DMXL1: variants seen among roughly 807,000 people sequenced by gnomAD.
The protein encoded by DMXL1 is dmX-like protein 1.
DMXL1 carries 99 observed loss-of-function variants against 319.2 expected under a neutral mutation model. That is an observed-to-expected ratio of 0.31 (90% CI 0.26 to 0.37). The LOEUF is 0.37. Among genes scored for constraint, DMXL1 ranks in the 10% least tolerant of loss-of-function variants. DMXL1 has a pLI of 1.00. For synonymous variants in DMXL1, 1,385 were observed against 1,235.2 expected, an observed-to-expected ratio of 1.12 and a Z score of -2.54; for missense variants, 3,745 against 3,595.6, an observed-to-expected ratio of 1.04 and a Z score of -1.06.
In DMXL1 at chr5:119,220,477, T is replaced by C. The variant is rs201102615; in HGVS notation, c.8019T>C (p.Asn2673=). Residue 2673 remains asparagine, a synonymous_variant, in exon 36 of 44, where the codon AAT becomes AAC. Coordinates refer to ENST00000539542, the MANE Select transcript of DMXL1 (RefSeq NM_001290321.3). ...CCATTTGACTTATTTTTCAGGCAAA[T>C]AGAAACTGCATAGCAATCGCTTCCA... is the stretch of plus-strand genomic sequence containing the variant. The part of the protein sequence containing the change: ...IITAFAVNKA[N]RNCIAIASSH... The C allele has an allele frequency of 1.4e-4, 231 of 1,613,052 alleles. No homozygotes were observed. In the Middle Eastern group the frequency reaches 2.0e-3, roughly 14 times the overall value.
chr5:119,112,861 G>C (rs185744916), intron 5 of DMXL1, among the ~76,000 whole-genome samples: 8 of 152,166 alleles, frequency 5.3e-5, no homozygotes, highest in African/African-American at 1.9e-4. Flanking sequence ...GGAGGCTGAG[G>C]CATGAGAATA....
In DMXL1 at chr5:119,237,422, A is replaced by G; in HGVS notation, c.8559+8A>G. On this transcript the variant is annotated splice_region_variant and intron_variant, in intron 40 of 43. Transcript: ENST00000539542. The stretch of plus-strand genomic sequence containing the variant: ...ATGCCTAAGCCATACCTGGTAAGCC[A>G]AGAATTTCTACCTTTAAATAAAATT... 1 of 1,549,868 alleles carries G rather than the reference A, an allele frequency of 6.5e-7. No homozygotes were observed. The highest frequency in any genetic ancestry group is 8.9e-7 in the Non-Finnish European group (1 of 1,129,748).
At chr5:119,086,490 A>T (rs1471263645) in intron 1 of DMXL1, among the ~76,000 whole-genome samples, 1 of 152,128 alleles carries the variant, frequency 6.6e-6, no homozygotes, top group African/African-American at 2.4e-5. Flanking sequence ...CATGTGTGAT[A>T]TGGGCTTGTA....
chr5:119,240,994 G>T (rs1184164280), intron 42 of DMXL1, among the ~76,000 whole-genome samples: 2 of 152,092 alleles, frequency 1.3e-5, no homozygotes, highest in African/African-American at 2.4e-5. Flanking sequence ...ACAACATAAG[G>T]ATTGGGATGC....
chr5:119,129,462 C>A, intron 10 of DMXL1, 39 bp downstream of exon 10: 3 of 1,428,572 alleles, frequency 2.1e-6, no homozygotes, highest in South Asian at 1.3e-5. Flanking sequence ...AAGTTTTGCT[C>A]AAAATAGCAA....
intron 10 of DMXL1, chr5:119,132,668 C>G (rs1367218408): frequency 2.4e-6 from 1 of 419,726 alleles, no homozygotes; most frequent in Non-Finnish European, 4.7e-6. Context: ...GAGTAAGACT[C>G]CGTCTCAAAA....
intron 15 of DMXL1, among the ~76,000 whole-genome samples, 177 bp downstream of exon 15, chr5:119,144,815 A>G (rs572101369): frequency 6.6e-6 from 1 of 151,930 alleles, no homozygotes; most frequent in Admixed American, 6.6e-5. Flanking sequence ...CAGGTAATAA[A>G]TACGAACAAA....
At chr5:119,170,058 T>C (rs1372077278) in intron 23 of DMXL1, 132 bp from the exon 24 acceptor site, 48 of 770,352 alleles carry the variant, frequency 6.2e-5, no homozygotes, top group Non-Finnish European at 4.4e-5. Context: ...CCATGGATCA[T>C]TGTGGCCTAT....
intron 19 of DMXL1, among the ~76,000 whole-genome samples, chr5:119,160,862 A>G: frequency 1.3e-5 from 2 of 152,224 alleles, no homozygotes; most frequent in South Asian, 4.1e-4. Context: ...TTTGAGTAGG[A>G]TTTATTTAAA....
chr5:119,171,254 A>T lies in DMXL1; in HGVS notation c.6463A>T (p.Ile2155Phe), dbSNP rs748841932. ...GGLASVRMEL[I>F]LLLQESQQET... The stretch of plus-strand genomic sequence containing the variant: ...TCTTGCATCTGTAAGAATGGAATTG[A>T]TTTTGCTTTTGCAAGAATCTCAGCA... The change falls in exon 24 of 44, where the codon ATT becomes TTT. Residue 2155 changes from isoleucine to phenylalanine, a missense_variant. Ile to Phe is a conservative substitution (Grantham distance 21). Around this residue, in one of 4 missense-constraint regions of DMXL1, gnomAD observed 1,382 missense variants for 1,269.5 expected, o/e 1.09. Coordinates refer to ENST00000539542, the MANE Select transcript of DMXL1 (RefSeq NM_001290321.3). 1.9e-6 allele frequency: 3 copies of T among 1,598,520 alleles called. No homozygotes were observed. Among genetic ancestry groups the T allele is most frequent in the Non-Finnish European group, 1.7e-6 (2 of 1,170,850 alleles).
chr5:119,091,903 T>G (rs578174200), intron 1 of DMXL1, among the ~76,000 whole-genome samples: 6 of 152,348 alleles, frequency 3.9e-5, no homozygotes, highest in African/African-American at 1.2e-4. Flanking sequence ...TAATACTGCC[T>G]GCCCTCTTTG....
intron 3 of DMXL1, 50 bp downstream of exon 3, chr5:119,102,056 T>A: frequency 8.4e-7 from 1 of 1,188,528 alleles, no homozygotes; most frequent in Non-Finnish European, 1.2e-6. Context: ...TTTTAAGTAT[T>A]GAAAGAGTGT....
intron 33 of DMXL1, among the ~76,000 whole-genome samples, chr5:119,204,691 A>G (rs1390954920): frequency 6.6e-6 from 1 of 152,028 alleles, no homozygotes; most frequent in Non-Finnish European, 1.5e-5. Flanking sequence ...AGATGCAGTG[A>G]TGTAGTCAAT....
chr5:119,202,014 G>C (rs1455361931), intron 32 of DMXL1, among the ~76,000 whole-genome samples: 2 of 151,988 alleles, frequency 1.3e-5, no homozygotes, highest in Non-Finnish European at 2.9e-5. Flanking sequence ...TTTTTCAAAA[G>C]ACCAACTCCT....
chr5:119,244,272 T>C lies in DMXL1; in HGVS notation c.8705-87T>C, dbSNP rs1360219287. 4.1e-6 allele frequency: 4 copies of C among 987,326 alleles called. No homozygotes were observed. In the Admixed American group the frequency reaches 1.1e-4, roughly 27 times the overall value. The allele number at this position is 987,326 out of a possible 1,614,324, so 61.2% of individuals were successfully genotyped here. On this transcript the variant is annotated intron_variant, in intron 42 of 43. Transcript: ENST00000539542. Reference sequence around the variant, plus strand: ...ATTGTTTCAGGCAGGATTGCAAATCTGGTCTATTATTTCACTTTAGCCAAA... The same window carrying C: ...ATTGTTTCAGGCAGGATTGCAAATCCGGTCTATTATTTCACTTTAGCCAAA...
At position 119,128,153 on chromosome 5, in the gene DMXL1, T is replaced by C. The variant is rs1580880274; in HGVS notation, c.1103-1058T>C. On this transcript the variant is annotated intron_variant, in intron 9 of 43. Transcript: ENST00000539542. ...AGCAGCAACTGAACACCACCTTCTT[T>C]GATTAAAACTTTGCATAGTTCCACC... 1.0e-5 allele frequency: 5 copies of C among 495,768 alleles called. No homozygotes were observed. The East Asian group carries it at 2.2e-4, about 22-fold the overall frequency. 30.7% of individuals were successfully genotyped at this position (495,768 alleles called of 1,614,324 possible).
chr5:119,117,121 TG>T (rs1451016583), intron 7 of DMXL1, among the ~76,000 whole-genome samples: 2 of 152,190 alleles, frequency 1.3e-5, no homozygotes, highest in Non-Finnish European at 2.9e-5. Flanking sequence ...CTCTACCTCC[TG>T]GGCTCAAGTG....
At chr5:119,132,835 T>TC (rs1169454230) in intron 10 of DMXL1, 6 of 554,520 alleles carry the variant, frequency 1.1e-5, no homozygotes, top group Non-Finnish European at 1.7e-5. Context: ...TTTTTGAAAG[T>TC]CCAAGTTTTC....
intron 28 of DMXL1, among the ~76,000 whole-genome samples, chr5:119,188,323 A>C (rs2150363471): frequency 6.6e-6 from 1 of 152,282 alleles, no homozygotes; most frequent in Non-Finnish European, 1.5e-5. Context: ...AGTCCCAGCT[A>C]CTCAGGCGTC....
Sources: gnomAD v4.1 joint callset for allele counts (sites outside exome capture counted in the v4.1 genomes callset) on GRCh38, gnomAD v4.1.1 for gene constraint, gnomAD v4.1.1 regional missense constraint, MANE v1.5 for transcripts, NCBI Gene and HGNC (gene_info 2026-07-23, HGNC 2026-07-21) for gene names.